MAPKAP1: variants seen among roughly 807,000 people sequenced by gnomAD.
MAPKAP1 encodes MAPK associated protein 1.
In MAPKAP1, 20 loss-of-function variants were observed where a neutral mutation model predicts 65.7. The ratio of observed to expected loss-of-function variants is 0.30; its 90% confidence interval spans 0.21 to 0.44. The LOEUF is 0.44. MAPKAP1 is among the 20% of genes least tolerant of loss of function. MAPKAP1 has a pLI of 1.00. For missense variants in MAPKAP1, 423 were observed against 648.0 expected (o/e 0.65, Z 3.77); for synonymous variants, 222 against 244.3 (o/e 0.91, Z 0.85).
chr9:125,539,772 C>G (rs1314146719), intron 7 of MAPKAP1, among the ~76,000 whole-genome samples: 1 of 152,210 alleles, frequency 6.6e-6, no homozygotes, highest in African/African-American at 2.4e-5. Flanking sequence ...TCTTCTAAAA[C>G]TGGATTCTCC....
At chr9:125,473,366 T>C (rs1274515672) in intron 9 of MAPKAP1, among the ~76,000 whole-genome samples, 4 of 152,162 alleles carry the variant, frequency 2.6e-5, no homozygotes, top group Non-Finnish European at 5.9e-5. Context: ...TCCACAGCCA[T>C]CCGTCATGAC....
chr9:125,552,629 T>C (rs1009527932), intron 6 of MAPKAP1, among the ~76,000 whole-genome samples: 7 of 152,182 alleles, frequency 4.6e-5, no homozygotes, highest in Admixed American at 4.6e-4. Flanking sequence ...TTATTCCCAC[T>C]GAGAATCCCT....
intron 4 of MAPKAP1, among the ~76,000 whole-genome samples, chr9:125,656,377 G>T (rs577542465): frequency 6.6e-6 from 1 of 152,296 alleles, no homozygotes; most frequent in African/African-American, 2.4e-5. Context: ...CATCAATACA[G>T]TCTATAACTT....
intron 10 of MAPKAP1, among the ~76,000 whole-genome samples, chr9:125,464,680 G>T (rs1853616166): frequency 6.6e-6 from 1 of 152,134 alleles, no homozygotes; most frequent in Non-Finnish European, 1.5e-5. Flanking sequence ...AAGTCGAGGG[G>T]AATGGAAAGA....
chr9:125,653,436 A>G (rs1476218522), intron 4 of MAPKAP1, among the ~76,000 whole-genome samples: 1 of 152,214 alleles, frequency 6.6e-6, no homozygotes, highest in Non-Finnish European at 1.5e-5. Flanking sequence ...AAATTTTGCA[A>G]ACCCTGTTCT....
At chr9:125,468,428 A>G (rs1290471778) in intron 9 of MAPKAP1, among the ~76,000 whole-genome samples, 1 of 152,246 alleles carries the variant, frequency 6.6e-6, no homozygotes, top group East Asian at 1.9e-4. Context: ...TTACAGCCGT[A>G]CATTATCTCT....
chr9:125,439,383 C>T lies in MAPKAP1; in HGVS notation c.1444-371G>A, dbSNP rs1564511043. Among the ~76,000 whole-genome samples, 3 of 152,238 alleles carry T rather than the reference C, an allele frequency of 2.0e-5. No individual in the cohort carries two copies. In the East Asian group the frequency reaches 5.8e-4, roughly 29 times the overall value. ...TGTGACCTGGACAAGCACATAACCT[C>T]TCTGAGCCTGCCTTTCCCTGTGTGA... is the stretch of plus-strand genomic sequence containing the variant. On this transcript the variant is annotated intron_variant, in intron 11 of 11. Coordinates refer to ENST00000265960, the MANE Select transcript of MAPKAP1 (RefSeq NM_001006617.3). This position sits in a 1 kb window ranked among gnomAD's most constrained non-coding sequence, Gnocchi z 4.0.
In MAPKAP1 at chr9:125,593,317, T is replaced by A. The variant is rs550078420; in HGVS notation, c.499-7590A>T. ...AGACTGTCTCAAAAAAAGAAAAAAA[T>A]ATATATAACTCAGATACCTTACTAT... On this transcript the variant is annotated intron_variant, in intron 4 of 11. Transcript: ENST00000265960. Among the ~76,000 whole-genome samples the A allele has an allele frequency of 2.6e-4, 39 of 148,574 alleles. 1 individual carries two copies. The South Asian group carries it at 6.4e-3, about 24-fold the overall frequency.
In MAPKAP1 at chr9:125,467,275, G is replaced by A. The variant is rs930427052; in HGVS notation, c.1345+697C>T. On this transcript the variant is annotated intron_variant, in intron 10 of 11. Coordinates refer to ENST00000265960, the MANE Select transcript of MAPKAP1 (RefSeq NM_001006617.3). ...TCAGTGTGATCTATGTGCCCTTTTT[G>A]CCCCTTGATAGGACTGGAGTCCTAA... 4.0e-5 allele frequency among the ~76,000 whole-genome samples: 6 copies of A among 151,746 alleles called. No homozygotes were observed. In the East Asian group the frequency reaches 1.2e-3, roughly 29 times the overall value.
At chr9:125,475,537 TGA>T (rs1854072989) in intron 9 of MAPKAP1, among the ~76,000 whole-genome samples, 1 of 152,194 alleles carries the variant, frequency 6.6e-6, no homozygotes, top group Non-Finnish European at 1.5e-5. Context: ...CGAGTGTACC[TGA>T]CTAGACTGTT....
At chr9:125,632,005 A>T (rs757678199) in intron 4 of MAPKAP1, among the ~76,000 whole-genome samples, 27 of 152,120 alleles carry the variant, frequency 1.8e-4, no homozygotes, top group Non-Finnish European at 3.7e-4. Context: ...AGATCCCTTG[A>T]GGTAAGGAGT....
intron 4 of MAPKAP1, chr9:125,596,012 T>C (rs1244164568): frequency 8.0e-6 from 12 of 1,508,430 alleles, no homozygotes; most frequent in Admixed American, 6.7e-5. Flanking sequence ...AAGAAGACAC[T>C]GAAGAACATC....
At chr9:125,706,122 T>C (rs554947062) in intron 1 of MAPKAP1, among the ~76,000 whole-genome samples, 4 of 152,132 alleles carry the variant, frequency 2.6e-5, no homozygotes, top group Non-Finnish European at 5.9e-5. Context: ...ACTCTTTCCG[T>C]GTTTACTAGG....
At chr9:125,701,813 T>TA (rs1835607627) in intron 1 of MAPKAP1, among the ~76,000 whole-genome samples, 1 of 152,208 alleles carries the variant, frequency 6.6e-6, no homozygotes, top group Non-Finnish European at 1.5e-5. Flanking sequence ...TAAGGTCATC[T>TA]CACCAGCCAG....
At chr9:125,661,872 T>G (rs1308573266) in intron 3 of MAPKAP1, among the ~76,000 whole-genome samples, 1 of 152,078 alleles carries the variant, frequency 6.6e-6, no homozygotes, top group Non-Finnish European at 1.5e-5. Context: ...GGGAATTATT[T>G]TAAATAACTT....
chr9:125,488,279 G>A (rs899864460), intron 8 of MAPKAP1, among the ~76,000 whole-genome samples: 2 of 152,140 alleles, frequency 1.3e-5, no homozygotes, highest in Non-Finnish European at 2.9e-5. Flanking sequence ...TCCTGTACTC[G>A]CCTCCAATTC....
In MAPKAP1 at chr9:125,576,462, T is replaced by A. The variant is rs530484506; in HGVS notation, c.671+9093A>T. Among the ~76,000 whole-genome samples the A allele has an allele frequency of 3.9e-5, 6 of 152,236 alleles. No individual in the cohort carries two copies. The East Asian group carries it at 1.2e-3, about 29-fold the overall frequency. The stretch of plus-strand genomic sequence containing the variant: ...AAAAAATAGTCGATTAAAATTTTTT[T>A]AAAAAAACGAAGCATAGCTCTCCCT... On this transcript the variant is annotated intron_variant, in intron 5 of 11. Transcript: ENST00000265960.
Position 125,438,153 on chromosome 9 carries a change from C to T in MAPKAP1, c.*734G>A, listed in dbSNP as rs3739766. On this transcript the variant is annotated 3_prime_UTR_variant, in exon 12 of 12. Transcript: ENST00000265960. ...GCCTGAGGACCAGCCACCGCCCCTCCTCCTGGCACCCCACACTGTCCACGC... is the reference window on the plus strand; with the variant it reads ...GCCTGAGGACCAGCCACCGCCCCTCTTCCTGGCACCCCACACTGTCCACGC... 4.6e-4 allele frequency: 178 copies of T among 390,478 alleles called. No homozygotes were observed. Among genetic ancestry groups the T allele is most frequent in the African/African-American group, 3.4e-3 (164 of 48,596 alleles). The allele number at this position is 390,478 out of a possible 1,614,324, so 24.2% of individuals were successfully genotyped here. A position where few individuals can be genotyped will look rare whatever the true frequency, so the allele number is the denominator to read the frequency against.
chr9:125,586,355 T>C (rs574587820), intron 4 of MAPKAP1, among the ~76,000 whole-genome samples: 24 of 152,276 alleles, frequency 1.6e-4, no homozygotes, highest in African/African-American at 2.4e-4. Context: ...CGTCTTCCAC[T>C]CTGCCCTCAA....
Sources: allele counts gnomAD v4.1 joint callset (sites outside exome capture counted in the v4.1 genomes callset), GRCh38; gene constraint gnomAD v4.1.1; non-coding constraint Gnocchi (gnomAD v3.1); transcripts MANE v1.5; gene names NCBI Gene and HGNC (gene_info 2026-07-23, HGNC 2026-07-21).